CDC42EP4: variants seen among roughly 807,000 people sequenced by gnomAD.
CDC42EP4 encodes CDC42 effector protein (Rho GTPase binding) 4.
A neutral mutation model predicts 5.6 loss-of-function variants in CDC42EP4; 6 were observed. The ratio of observed to expected loss-of-function variants is 1.07; its 90% CI spans 0.59 to 2.12. The LOEUF (loss-of-function observed/expected upper bound fraction) is 2.12. CDC42EP4 is among the 30% of genes most tolerant of loss of function. The probability of loss-of-function intolerance (pLI) is 0.00; values close to 1 mark genes in which losing one functional copy is unlikely to be tolerated. For synonymous variants in CDC42EP4, 230 were observed against 224.2 expected, an observed-to-expected ratio of 1.03 and a Z score of -0.23; for missense variants, 490 against 508.6, an observed-to-expected ratio of 0.96 and a Z score of 0.35.
At chr17:73,298,306 G>A (rs369213428) in intron 1 of CDC42EP4, among the ~76,000 whole-genome samples, 2 of 152,174 alleles carry the variant, frequency 1.3e-5, no homozygotes, top group Non-Finnish European at 2.9e-5. Context: ...GACATCAGGG[G>A]GCACAGGGAG....
intron 1 of CDC42EP4, among the ~76,000 whole-genome samples, chr17:73,305,284 C>G (rs2062239224): frequency 6.6e-6 from 1 of 152,232 alleles, no homozygotes; most frequent in Admixed American, 6.5e-5. Flanking sequence ...GGATGGATGC[C>G]TGGTGGGGGG....
In CDC42EP4 at chr17:73,286,288, A is replaced by C; in HGVS notation, c.213T>G (p.Ser71=). 1.9e-6 allele frequency: 3 copies of C among 1,614,224 alleles called. No individual in the cohort carries two copies. Among genetic ancestry groups the C allele is most frequent in the Non-Finnish European group, 2.5e-6 (3 of 1,180,038 alleles). The change falls in exon 2 of 2, where the codon TCT becomes TCG. Residue 71 remains serine, a synonymous_variant. Transcript: ENST00000335793. The surrounding 1 kb of genome is among the most constrained non-coding windows in gnomAD (Gnocchi z 7.7). ...DGESLDEQPS[S]SSSKRSLLSR... ...ACAGGAGACTGCGTTTGGAAGATGAAGAAGAGGGCTGTTCGTCCAAGGACT... is the reference window on the plus strand; with the variant it reads ...ACAGGAGACTGCGTTTGGAAGATGACGAAGAGGGCTGTTCGTCCAAGGACT...
intron 1 of CDC42EP4, among the ~76,000 whole-genome samples, chr17:73,292,123 G>A (rs2062164329): frequency 6.6e-6 from 1 of 152,248 alleles, no homozygotes; most frequent in Non-Finnish European, 1.5e-5. Flanking sequence ...CAGCTAGGCA[G>A]GCCTCGCTCT....
intron 1 of CDC42EP4, among the ~76,000 whole-genome samples, chr17:73,299,048 C>T (rs1311497149): frequency 1.3e-5 from 2 of 151,920 alleles, no homozygotes; most frequent in East Asian, 1.9e-4. Context: ...CTCAACTTCC[C>T]GGGCTGAAGT....
At chr17:73,310,743 TCACACACACA>T (rs57841496) in intron 1 of CDC42EP4, 15,242 of 134,544 alleles carry the variant, frequency 0.11, 954 homozygotes, top group East Asian at 0.21. Flanking sequence ...CCTCCCCCAG[TCACACACACA>T]CACACACACA....
At chr17:73,300,485 T>C (rs1443866980) in intron 1 of CDC42EP4, among the ~76,000 whole-genome samples, 1 of 152,160 alleles carries the variant, frequency 6.6e-6, no homozygotes, top group Non-Finnish European at 1.5e-5. Flanking sequence ...ATGCCTTCTC[T>C]CTATGAGTTA....
rs1568340018 is a variant in CDC42EP4 at position 73,286,462 on chromosome 17, G to A, written c.39C>T (p.His13=). The A allele has an allele frequency of 6.2e-7, 1 of 1,608,326 alleles. No homozygotes were observed. Among genetic ancestry groups the A allele is most frequent in the African/African-American group, 1.3e-5 (1 of 74,974 alleles). Residue 13 remains histidine, a synonymous_variant, in exon 2 of 2, where the codon CAC becomes CAT. Transcript: ENST00000335793. This position sits in a 1 kb window ranked among gnomAD's most constrained non-coding sequence, Gnocchi z 7.7. ...ILKQLVSSSV[H]SKRRSRADLT... ...GGTCCGCTCGGGAACGGCGCTTGGAGTGCACCGAGCTGGACACCAGTTGCT... is the reference window on the plus strand; with the variant it reads ...GGTCCGCTCGGGAACGGCGCTTGGAATGCACCGAGCTGGACACCAGTTGCT...
chr17:73,310,654 G>A (rs1347031219), intron 1 of CDC42EP4, among the ~76,000 whole-genome samples: 1 of 152,026 alleles, frequency 6.6e-6, no homozygotes, highest in Non-Finnish European at 1.5e-5. Flanking sequence ...CTCCCAGGGA[G>A]AAAAAGAAAA....
In CDC42EP4 at chr17:73,286,109, C is replaced by T. The variant is rs1372171406; in HGVS notation, c.392G>A (p.Gly131Asp). ...CAGGCTCTTGGGCAGCTTACTGGTG[C>T]CCTTCTCCGCGGCCTCCTTCTCATT... ...QLNEKEAAEK[G>D]TSKLPKSLSS... Residue 131 changes from glycine to aspartate, a missense_variant, in exon 2 of 2, where the codon GGC becomes GAC. Physicochemically the swap from Gly to Asp is moderately conservative, Grantham distance 94. Transcript: ENST00000335793. The surrounding 1 kb of genome is among the most constrained non-coding windows in gnomAD (Gnocchi z 7.7). The T allele has an allele frequency of 6.2e-7, 1 of 1,614,000 alleles. No individual in the cohort carries two copies. Among genetic ancestry groups the T allele is most frequent in the South Asian group, 1.1e-5 (1 of 91,088 alleles).
chr17:73,286,248 C>T lies in CDC42EP4; in HGVS notation c.253G>A (p.Gly85Ser), dbSNP rs946703301. The T allele has an allele frequency of 3.1e-6, 5 of 1,614,094 alleles. No individual in the cohort carries two copies. Among genetic ancestry groups the T allele is most frequent in the African/African-American group, 1.3e-5 (1 of 74,942 alleles). ...KRSLLSRKFR[G>S]SKRSQSVTRG... is the part of the protein sequence containing the mutation. Reference sequence around the variant, plus strand: ...GTCACCGACTGTGACCGCTTGCTGCCCCGGAACTTCCTGGACAGGAGACTG... The same window carrying T: ...GTCACCGACTGTGACCGCTTGCTGCTCCGGAACTTCCTGGACAGGAGACTG... The change falls in exon 2 of 2, where the codon GGC (glycine) becomes AGC (serine). Residue 85 changes from glycine to serine, a missense_variant. Physicochemically the swap from Gly to Ser is moderately conservative, Grantham distance 56. Transcript: ENST00000335793. The surrounding 1 kb of genome is among the most constrained non-coding windows in gnomAD (Gnocchi z 7.7).
intron 1 of CDC42EP4, among the ~76,000 whole-genome samples, chr17:73,289,481 A>G (rs2062149822): frequency 2.7e-5 from 4 of 149,962 alleles, no homozygotes; most frequent in African/African-American, 4.9e-5. Context: ...CCTGCCCCCC[A>G]CCCCAACACT....
At chr17:73,304,834 T>C (rs2062237140) in intron 1 of CDC42EP4, among the ~76,000 whole-genome samples, 2 of 152,160 alleles carry the variant, frequency 1.3e-5, no homozygotes, top group Admixed American at 1.3e-4. Context: ...TCCAGGGAAC[T>C]TATAGATTAA....
At chr17:73,303,082 G>T (rs1348900400) in intron 1 of CDC42EP4, among the ~76,000 whole-genome samples, 1 of 149,590 alleles carries the variant, frequency 6.7e-6, no homozygotes, top group African/African-American at 2.5e-5. Context: ...GGTGGCTCAC[G>T]CCTGTAATCC....
At chr17:73,295,924 A>G (rs1177261832) in intron 1 of CDC42EP4, among the ~76,000 whole-genome samples, 1 of 150,244 alleles carries the variant, frequency 6.7e-6, no homozygotes, top group Non-Finnish European at 1.5e-5. Flanking sequence ...AAAAAAAAAG[A>G]ATGATGGTTT....
At chr17:73,310,501 C>T (rs1322415325) in intron 1 of CDC42EP4, among the ~76,000 whole-genome samples, 1 of 152,012 alleles carries the variant, frequency 6.6e-6, no homozygotes. Context: ...GATCCAGCTG[C>T]TCAGCTATCT....
chr17:73,307,654 TAGTC>T (rs1022010776), intron 1 of CDC42EP4, among the ~76,000 whole-genome samples: 1 of 151,858 alleles, frequency 6.6e-6, no homozygotes, highest in African/African-American at 2.4e-5. Context: ...TTCACTGTGT[TAGTC>T]AGGATGGTCT....
At chr17:73,311,376 G>A (rs941239038) in intron 1 of CDC42EP4, 3 of 152,262 alleles carry the variant, frequency 2.0e-5, no homozygotes, top group Non-Finnish European at 2.9e-5. Context: ...ATGTGTACAC[G>A]CCTCTGCCCG....
Position 73,284,353 on chromosome 17 carries a change from A to AT in CDC42EP4, c.*1076dup, listed in dbSNP as rs1200010346. On this transcript the variant is annotated 3_prime_UTR_variant, in exon 2 of 2. Coordinates refer to ENST00000335793, the MANE Select transcript of CDC42EP4 (RefSeq NM_012121.5). ...TTTCCCCCCATAGGAATGATATATT[A>AT]TTTAAAAAAAAAATCGTTCTCCAAA... 2 of 152,106 alleles carry AT rather than the reference A, an allele frequency of 1.3e-5. No individual in the cohort carries two copies. The highest frequency in any genetic ancestry group is 2.9e-5 in the Non-Finnish European group (2 of 68,024). The allele number at this position is 152,106 out of a possible 1,614,324, so 9.4% of individuals were successfully genotyped here. A position where few individuals can be genotyped will look rare whatever the true frequency, so the allele number is the denominator to read the frequency against.
intron 1 of CDC42EP4, among the ~76,000 whole-genome samples, chr17:73,293,294 G>A (rs2062170085): frequency 6.6e-6 from 1 of 152,228 alleles, no homozygotes; most frequent in Non-Finnish European, 1.5e-5. Flanking sequence ...ATTCAGTCAG[G>A]AGGCTGTTGC....
Sources: gnomAD v4.1 joint callset for allele counts (sites outside exome capture counted in the v4.1 genomes callset) on GRCh38, gnomAD v4.1.1 for gene constraint, Gnocchi (gnomAD v3.1) non-coding constraint, MANE v1.5 for transcripts, NCBI Gene and HGNC (gene_info 2026-07-23, HGNC 2026-07-21) for gene names.